Variants in TRPM2 observed in about 807,000 individuals in gnomAD.
TRPM2 encodes transient receptor potential cation channel subfamily M member 2.
Under a neutral mutation model 174.0 loss-of-function variants are expected in TRPM2, and 161 were observed. The observed-to-expected ratio is 0.93, with a 90% confidence interval of 0.81 to 1.05. The LOEUF (loss-of-function observed/expected upper bound fraction) is 1.05. TRPM2 is among the 50% of genes least tolerant of loss of function. TRPM2 has a pLI of 0.00. For missense variants in TRPM2, 2,057 were observed against 2,038.0 expected (o/e 1.01, Z -0.18); for synonymous variants, 954 against 861.3 (o/e 1.11, Z -1.88).
intron 2 of TRPM2, among the ~76,000 whole-genome samples, chr21:44,359,880 G>C (rs28615158): frequency 6.6e-6 from 1 of 151,310 alleles, no homozygotes; most frequent in Admixed American, 6.6e-5. Flanking sequence ...CCTGAGTAGC[G>C]GGGACTACAG....
At position 44,367,021 on chromosome 21, in the gene TRPM2, C is replaced by T. The variant is rs1291783142; in HGVS notation, c.604+87C>T. 2 of 1,437,488 alleles carry T rather than the reference C, an allele frequency of 1.4e-6. No homozygotes were observed. Among genetic ancestry groups the T allele is most frequent in the Non-Finnish European group, 1.8e-6 (2 of 1,085,840 alleles). 89.0% of individuals were successfully genotyped at this position (1,437,488 alleles called of 1,614,324 possible). ...CTGGGGCAATCAGGGCCATCAGGAC[C>T]CAAAAAGTCCCTGGGAGCCGCCGAG... On this transcript the variant is annotated intron_variant, in intron 4 of 31. Transcript: ENST00000397928. The surrounding 1 kb of genome is among the most constrained non-coding windows in gnomAD (Gnocchi z 4.6).
intron 3 of TRPM2, among the ~76,000 whole-genome samples, chr21:44,364,748 C>G (rs1011254342): frequency 6.6e-6 from 1 of 152,138 alleles, no homozygotes; most frequent in Non-Finnish European, 1.5e-5. Flanking sequence ...GAAGCAAACG[C>G]GAGAGTCCTT....
At chr21:44,375,760 G>T in intron 5 of TRPM2, 73 bp from the exon 6 acceptor site, 1 of 1,497,206 alleles carries the variant, frequency 6.7e-7, no homozygotes. Flanking sequence ...TGTGAGGGCC[G>T]GTGTTCAGCC....
chr21:44,404,319 CAT>C (rs771378388), intron 16 of TRPM2, among the ~76,000 whole-genome samples: 27 of 152,068 alleles, frequency 1.8e-4, no homozygotes, highest in Non-Finnish European at 3.2e-4. Flanking sequence ...TGCACATACA[CAT>C]ATACACACAT....
In TRPM2 at chr21:44,353,755, G is replaced by C; in HGVS notation, c.55G>C (p.Gly19Arg). The C allele has an allele frequency of 6.3e-7, 1 of 1,595,108 alleles. No homozygotes were observed. Among genetic ancestry groups the C allele is most frequent in the Non-Finnish European group, 8.5e-7 (1 of 1,172,344 alleles). ...CTCGGAGCAGGAGGAGGGCTTTGAGGGGCTGCCCAGAAGGGTCACTGACCT... is the reference window on the plus strand; with the variant it reads ...CTCGGAGCAGGAGGAGGGCTTTGAGCGGCTGCCCAGAAGGGTCACTGACCT... ...AGSEQEEGFE[G>R]LPRRVTDLGM... The change falls in exon 1 of 32, where the codon GGG becomes CGG. Residue 19 changes from glycine (G) to arginine (R), a missense_variant. Coordinates refer to ENST00000397928, the MANE Select transcript of TRPM2 (RefSeq NM_003307.4).
chr21:44,382,920 G>T, intron 9 of TRPM2, 100 bp downstream of exon 9: 1 of 1,245,156 alleles, frequency 8.0e-7, no homozygotes, highest in East Asian at 2.6e-5. Context: ...CTGGGAACCA[G>T]AATATTCCTC....
At chr21:44,436,223 C>G (rs1008231795) in intron 28 of TRPM2, among the ~76,000 whole-genome samples, 1 of 152,190 alleles carries the variant, frequency 6.6e-6, no homozygotes, top group Non-Finnish European at 1.5e-5. Flanking sequence ...AGGAAGCTGC[C>G]GGGGGCTCTT....
intron 2 of TRPM2, among the ~76,000 whole-genome samples, chr21:44,356,221 A>C (rs1481860740): frequency 6.8e-6 from 1 of 146,146 alleles, no homozygotes; most frequent in Non-Finnish European, 1.5e-5. Flanking sequence ...GAATATTTTT[A>C]GTCTGCGTTT....
intron 18 of TRPM2, among the ~76,000 whole-genome samples, chr21:44,406,363 C>T (rs1482444878): frequency 1.3e-5 from 2 of 152,094 alleles, no homozygotes; most frequent in African/African-American, 4.8e-5. Flanking sequence ...GAGCTTTCCT[C>T]CTTGGGTCAC....
intron 9 of TRPM2, among the ~76,000 whole-genome samples, chr21:44,385,337 T>G (rs1417669073): frequency 6.6e-6 from 1 of 152,204 alleles, no homozygotes; most frequent in African/African-American, 2.4e-5. Context: ...GACTGGGACA[T>G]AGCAAAAACA....
chr21:44,406,898 T>C, intron 19 of TRPM2, 133 bp downstream of exon 19: 1 of 1,192,392 alleles, frequency 8.4e-7, no homozygotes, highest in Non-Finnish European at 1.2e-6. Flanking sequence ...GCCGGTGTCC[T>C]CCCTGGGGGC....
intron 11 of TRPM2, among the ~76,000 whole-genome samples, chr21:44,394,566 G>A (rs904865185): frequency 6.0e-5 from 9 of 150,710 alleles, no homozygotes; most frequent in Non-Finnish European, 1.0e-4. Flanking sequence ...TGATACTCCC[G>A]CCTTGGCCTC....
At chr21:44,383,662 A>G (rs1216645860) in intron 9 of TRPM2, among the ~76,000 whole-genome samples, 1 of 152,252 alleles carries the variant, frequency 6.6e-6, no homozygotes, top group East Asian at 1.9e-4. Context: ...TAGATATTAT[A>G]CAAATTATCT....
intron 27 of TRPM2, among the ~76,000 whole-genome samples, chr21:44,433,031 G>A (rs747517717): frequency 5.3e-5 from 8 of 152,214 alleles, no homozygotes; most frequent in Non-Finnish European, 1.2e-4. Flanking sequence ...GAAGACTCAG[G>A]TGTGGGGTGG....
chr21:44,374,925 G>A (rs905523933), intron 5 of TRPM2, among the ~76,000 whole-genome samples: 5 of 151,910 alleles, frequency 3.3e-5, no homozygotes, highest in African/African-American at 4.8e-5. Flanking sequence ...CCCTTACTGC[G>A]AGTTGTTTTT....
chr21:44,394,531 G>C (rs192550383), intron 11 of TRPM2, among the ~76,000 whole-genome samples: 2 of 151,668 alleles, frequency 1.3e-5, no homozygotes, highest in Admixed American at 1.3e-4. Context: ...GCGTTAGCCA[G>C]GATGGTCTCG....
At chr21:44,425,895 C>T (rs2050751683) in intron 25 of TRPM2, 68 bp downstream of exon 25, 3 of 1,425,652 alleles carry the variant, frequency 2.1e-6, no homozygotes, top group African/African-American at 2.9e-5. Context: ...GCGGCCCTGT[C>T]CCCATCCATC....
intron 3 of TRPM2, among the ~76,000 whole-genome samples, chr21:44,364,989 T>C (rs2048318254): frequency 6.7e-6 from 1 of 148,758 alleles, no homozygotes; most frequent in Non-Finnish European, 1.5e-5. Flanking sequence ...TTCTGGAGGG[T>C]TCTGAGACTC....
At chr21:44,408,642 C>T (rs1601182264) in intron 19 of TRPM2, among the ~76,000 whole-genome samples, 2 of 148,492 alleles carry the variant, frequency 1.3e-5, no homozygotes, top group Non-Finnish European at 3.0e-5. Flanking sequence ...ATGTCTCTCC[C>T]TCTCCTTTGC....
Sources: gnomAD v4.1 joint callset for allele counts (sites outside exome capture counted in the v4.1 genomes callset) on GRCh38, gnomAD v4.1.1 for gene constraint, Gnocchi (gnomAD v3.1) non-coding constraint, MANE v1.5 for transcripts, NCBI Gene and HGNC (gene_info 2026-07-23, HGNC 2026-07-21) for gene names.